Variants in EDN1 observed in about 807,000 individuals in gnomAD.
The protein encoded by EDN1 is endothelin-1.
Under a neutral mutation model 21.7 loss-of-function variants are expected in EDN1, and 11 were observed. That is an observed-to-expected ratio of 0.51 (90% CI 0.32 to 0.84). The LOEUF (loss-of-function observed/expected upper bound fraction) is 0.84, where lower values mean the gene tolerates loss of function less well. EDN1 is among the 40% of genes least tolerant of loss of function. The probability of loss-of-function intolerance (pLI) is 0.03; values close to 1 mark genes in which losing one functional copy is unlikely to be tolerated. For synonymous variants in EDN1, 85 were observed against 90.6 expected (o/e 0.94, Z 0.35); for missense variants, 244 against 262.3 (o/e 0.93, Z 0.48).
the EDN1 span, among the ~76,000 whole-genome samples, chr6:12,254,410 G>A: frequency 6.6e-6 from 1 of 152,102 alleles, no homozygotes; most frequent in Non-Finnish European, 1.5e-5. Flanking sequence ...TATTCTGAGT[G>A]TTCCAATAGA....
chr6:12,280,876 G>A, the EDN1 span, among the ~76,000 whole-genome samples: 2 of 152,194 alleles, frequency 1.3e-5, no homozygotes, highest in Non-Finnish European at 2.9e-5. Context: ...CTGGGCAACA[G>A]AGCAAGACTC....
At chr6:12,254,053 C>T in the EDN1 span, among the ~76,000 whole-genome samples, 1 of 152,084 alleles carries the variant, frequency 6.6e-6, no homozygotes, top group African/African-American at 2.4e-5. Context: ...CCATGGGGAG[C>T]TCCAAACTAT....
the EDN1 span, among the ~76,000 whole-genome samples, chr6:12,264,837 A>C: frequency 1.3e-5 from 2 of 152,198 alleles, no homozygotes; most frequent in African/African-American, 4.8e-5. Flanking sequence ...AGAAAGCAAA[A>C]GATGACTAAG....
the EDN1 span, among the ~76,000 whole-genome samples, chr6:12,266,424 C>T: frequency 6.6e-6 from 1 of 152,168 alleles, no homozygotes; most frequent in South Asian, 2.1e-4. Context: ...GGGACCGGTG[C>T]TATTCCAGGT....
the EDN1 span, among the ~76,000 whole-genome samples, chr6:12,236,500 T>C: frequency 6.6e-6 from 1 of 152,176 alleles, no homozygotes; most frequent in Admixed American, 6.5e-5. Flanking sequence ...CCTCAGGTGA[T>C]CCACCTACCT....
the EDN1 span, among the ~76,000 whole-genome samples, chr6:12,240,483 T>C: frequency 6.6e-6 from 1 of 152,224 alleles, no homozygotes; most frequent in African/African-American, 2.4e-5. Context: ...ATAAAGTTTG[T>C]CCTGTTCTTA....
At chr6:12,279,721 T>C in the EDN1 span, among the ~76,000 whole-genome samples, 1 of 152,176 alleles carries the variant, frequency 6.6e-6, no homozygotes, top group African/African-American at 2.4e-5. Flanking sequence ...AAAAAAACTA[T>C]CTGGTGAAAT....
At position 12,290,779 on chromosome 6, in the gene EDN1, T is replaced by C. The variant is rs893488171; in HGVS notation, c.64+86T>C. 5 of 1,254,784 alleles carry C rather than the reference T, an allele frequency of 4.0e-6. No homozygotes were observed. In the African/African-American group the frequency reaches 7.4e-5, roughly 18 times the overall value. The allele number at this position is 1,254,784 out of a possible 1,614,324, so 77.7% of individuals were successfully genotyped here. A position where few individuals can be genotyped will look rare whatever the true frequency, so the allele number is the denominator to read the frequency against. On this transcript the variant is annotated intron_variant, in intron 1 of 4. Coordinates refer to ENST00000379375, the MANE Select transcript of EDN1 (RefSeq NM_001955.5). Reference sequence around the variant, plus strand: ...TTCATGCTTTTCTTGCTTCTATTTTTCCCCGTTCTTTTTATGACTGCAGCT... The same window carrying C: ...TTCATGCTTTTCTTGCTTCTATTTTCCCCCGTTCTTTTTATGACTGCAGCT...
chr6:12,285,938 G>GT (rs1184256167), upstream of EDN1, among the ~76,000 whole-genome samples: 1 of 152,088 alleles, frequency 6.6e-6, no homozygotes, highest in Non-Finnish European at 1.5e-5. Flanking sequence ...ATTTCATGTA[G>GT]TTTTTTTAAC....
chr6:12,261,897 T>C, the EDN1 span, among the ~76,000 whole-genome samples: 5 of 152,130 alleles, frequency 3.3e-5, no homozygotes, highest in Admixed American at 6.5e-5. Flanking sequence ...TGGAGACTTA[T>C]AGACATGGAG....
chr6:12,281,383 A>G, the EDN1 span, among the ~76,000 whole-genome samples: 1 of 152,050 alleles, frequency 6.6e-6, no homozygotes, highest in Non-Finnish European at 1.5e-5. Context: ...CTCTCTGTAT[A>G]TCTTACTAAC....
the EDN1 span, among the ~76,000 whole-genome samples, chr6:12,244,167 G>A: frequency 6.6e-5 from 10 of 152,038 alleles, no homozygotes; most frequent in East Asian, 1.7e-3. Flanking sequence ...ATATTTATTT[G>A]TTTAAAGCAA....
the EDN1 span, among the ~76,000 whole-genome samples, chr6:12,239,086 C>T: frequency 1.3e-5 from 2 of 152,160 alleles, no homozygotes. Context: ...ACACAGTGGG[C>T]CTCATTACAA....
Position 12,294,111 on chromosome 6 carries a change from C to T in EDN1, c.389+15C>T. ...AAAGAACTCAGGTGAGCAGAAACAC[C>T]TTTGCTTTTCAATCAGTTTAACAGC... On this transcript the variant is annotated intron_variant, in intron 3 of 4. Coordinates refer to ENST00000379375, the MANE Select transcript of EDN1 (RefSeq NM_001955.5). 6.2e-7 allele frequency: 1 copy of T among 1,614,124 alleles called. No individual in the cohort carries two copies. The highest frequency in any genetic ancestry group is 8.5e-7 in the Non-Finnish European group (1 of 1,180,034).
chr6:12,269,264 A>T, the EDN1 span, among the ~76,000 whole-genome samples: 1 of 152,102 alleles, frequency 6.6e-6, no homozygotes, highest in East Asian at 1.9e-4. Context: ...ATGCAAGTTC[A>T]TATCATTTGC....
chr6:12,290,418 C>A lies in EDN1; in HGVS notation c.-212C>A, dbSNP rs1342090264. 7 of 589,638 alleles carry A rather than the reference C, an allele frequency of 1.2e-5. No homozygotes were observed. The highest frequency in any genetic ancestry group is 8.8e-5 in the Admixed American group (3 of 33,946). 36.5% of individuals were successfully genotyped at this position (589,638 alleles called of 1,614,324 possible). A position where few individuals can be genotyped will look rare whatever the true frequency, so the allele number is the denominator to read the frequency against. The stretch of plus-strand genomic sequence containing the variant: ...GGTCCTGCGCCTCCTGCAGTCCCAG[C>A]TCTCCACCGCCGCGTGCGCCTGCAG... On this transcript the variant is annotated 5_prime_UTR_variant, in exon 1 of 5. Transcript: ENST00000379375.
the EDN1 span, among the ~76,000 whole-genome samples, chr6:12,238,870 C>CGGTA: frequency 1.3e-5 from 2 of 152,142 alleles, no homozygotes; most frequent in African/African-American, 4.8e-5. Context: ...GAGAACCATA[C>CGGTA]GGTAGATTAT....
chr6:12,248,723 A>G, the EDN1 span, among the ~76,000 whole-genome samples: 1 of 152,198 alleles, frequency 6.6e-6, no homozygotes, highest in Non-Finnish European at 1.5e-5. Context: ...TTTGCAAACC[A>G]TGTGATTAAG....
the EDN1 span, among the ~76,000 whole-genome samples, chr6:12,283,617 C>G: frequency 2.3e-4 from 35 of 152,322 alleles, no homozygotes; most frequent in Non-Finnish European, 1.5e-5. Context: ...ATTTTAGCAT[C>G]TTCCTTTCCT....
Sources: gnomAD v4.1 joint callset for allele counts (sites outside exome capture counted in the v4.1 genomes callset) on GRCh38, gnomAD v4.1.1 for gene constraint, MANE v1.5 for transcripts, NCBI Gene and HGNC (gene_info 2026-07-23, HGNC 2026-07-21) for gene names.